GRIN1: variants seen among roughly 807,000 people sequenced by gnomAD.
The protein encoded by GRIN1 is glutamate receptor ionotropic, NMDA 1.
A neutral mutation model predicts 103.0 loss-of-function variants in GRIN1; 38 were observed. That is an observed-to-expected ratio of 0.37 (90% CI 0.28 to 0.48). GRIN1 has a LOEUF of 0.48. Among genes scored for constraint, GRIN1 ranks in the 20% least tolerant of loss-of-function variants. GRIN1 has a pLI of 0.98. For synonymous variants in GRIN1, 544 were observed against 532.7 expected, an observed-to-expected ratio of 1.02 and a Z score of -0.29; for missense variants, 577 against 1,288.9, an observed-to-expected ratio of 0.45 and a Z score of 8.46.
At chr9:137,141,867 G>C (rs1832182351) in intron 1 of GRIN1, 146 bp from the exon 2 acceptor site, 2 of 866,658 alleles carry the variant, frequency 2.3e-6, no homozygotes, top group East Asian at 2.4e-5. Context: ...GTGCATCTGG[G>C]CCTGGGCATG....
chr9:137,151,417 T>C (rs1382746975), intron 4 of GRIN1, among the ~76,000 whole-genome samples: 69 of 75,714 alleles, frequency 9.1e-4, no homozygotes, highest in Middle Eastern at 0.012. Flanking sequence ...CAGGGAAAAC[T>C]CCACCCAGAA....
intron 3 of GRIN1, chr9:137,148,017 G>A: frequency 1.6e-6 from 1 of 621,154 alleles, no homozygotes; most frequent in Non-Finnish European, 2.8e-6. Flanking sequence ...GGGCCTCGGT[G>A]TTTGCGAGCT....
intron 19 of GRIN1, among the ~76,000 whole-genome samples, chr9:137,166,417 A>G (rs1222150328): frequency 1.3e-5 from 2 of 152,218 alleles, no homozygotes; most frequent in African/African-American, 4.8e-5. Context: ...CCTGCAGTCC[A>G]GGGACCAGTC....
chr9:137,147,666 C>T lies in GRIN1; in HGVS notation c.571-1343C>T, dbSNP rs551860543. 7.2e-5 allele frequency among the ~76,000 whole-genome samples: 11 copies of T among 152,340 alleles called. No individual in the cohort carries two copies. The South Asian group carries it at 1.0e-3, about 14-fold the overall frequency. On this transcript the variant is annotated intron_variant, in intron 3 of 19. Coordinates refer to ENST00000371561, the MANE Select transcript of GRIN1 (RefSeq NM_007327.4). ...TTGGGCGCATATGCGAGCCGAAGGG[C>T]GTGGGCACCCCAGTTAGTGAGGATA...
rs1422589486 is a variant in GRIN1, at chr9:137,146,380, C to T, written c.570+478C>T. ...CCCTGTCCTCCCCCGCGTGGCCTCC[C>T]CTGAAGCTCTGCACCTCATGGCTCA... On this transcript the variant is annotated intron_variant, in intron 3 of 19. Coordinates refer to ENST00000371561, the MANE Select transcript of GRIN1 (RefSeq NM_007327.4). This position sits in a 1 kb window ranked among gnomAD's most constrained non-coding sequence, Gnocchi z 6.7. 5.9e-5 allele frequency among the ~76,000 whole-genome samples: 9 copies of T among 152,068 alleles called. No homozygotes were observed. The highest frequency in any genetic ancestry group is 1.0e-4 in the Non-Finnish European group (7 of 67,998).
chr9:137,158,774 G>A (rs1833373923), intron 8 of GRIN1, 70 bp downstream of exon 8: 3 of 1,174,086 alleles, frequency 2.6e-6, no homozygotes, highest in Non-Finnish European at 3.8e-6. Flanking sequence ...TGGCCTGAAG[G>A]AGGAGGGTGC....
chr9:137,154,857 C>T (rs917984853), intron 4 of GRIN1, among the ~76,000 whole-genome samples: 6 of 152,126 alleles, frequency 3.9e-5, no homozygotes, highest in Admixed American at 1.3e-4. Flanking sequence ...CAGCAGAGGC[C>T]GACTGGCCCA....
At chr9:137,149,571 TA>T (rs906358988) in intron 4 of GRIN1, among the ~76,000 whole-genome samples, 1 of 152,130 alleles carries the variant, frequency 6.6e-6, no homozygotes, top group Admixed American at 6.5e-5. Context: ...AGCAGTAGCT[TA>T]GGGGGAAATC....
At chr9:137,164,084 G>T (rs1301000793) in intron 18 of GRIN1, 180 bp downstream of exon 18, 1 of 760,414 alleles carries the variant, frequency 1.3e-6, no homozygotes, top group Admixed American at 2.2e-5. Context: ...GTGGGGGGCT[G>T]CCTGCAGGTG....
Position 137,168,058 on chromosome 9 carries a change from T to A in GRIN1, c.*531T>A. On this transcript the variant is annotated 3_prime_UTR_variant, in exon 20 of 20. Transcript: ENST00000371561. ...GAGGACGGGGCAGAGCTGAGTCGGC[T>A]GGGCAGGGCCGCAGGGCGCTCCGGC... 1.6e-6 allele frequency: 1 copy of A among 606,434 alleles called. No individual in the cohort carries two copies. Among genetic ancestry groups the A allele is most frequent in the East Asian group, 2.8e-5 (1 of 35,648 alleles). 37.6% of individuals were successfully genotyped at this position (606,434 alleles called of 1,614,324 possible). A position where few individuals can be genotyped will look rare whatever the true frequency, so the allele number is the denominator to read the frequency against.
intron 6 of GRIN1, among the ~76,000 whole-genome samples, chr9:137,157,584 C>G (rs1416996402): frequency 1.3e-5 from 2 of 152,194 alleles, no homozygotes; most frequent in African/African-American, 4.8e-5. Context: ...GGAGGCCAGA[C>G]AAGCAGCCCA....
intron 8 of GRIN1, 131 bp from the exon 9 acceptor site, chr9:137,160,925 C>T: frequency 8.4e-7 from 1 of 1,188,890 alleles, no homozygotes; most frequent in Non-Finnish European, 1.2e-6. Context: ...GCCGGCGGCG[C>T]AGGGCGGGGG....
chr9:137,149,164 ACCCG>A, intron 4 of GRIN1, 55 bp downstream of exon 4: 1 of 1,184,716 alleles, frequency 8.4e-7, no homozygotes, highest in Non-Finnish European at 1.2e-6. Flanking sequence ...TGAGCCAAGT[ACCCG>A]CCATCTGAGC....
intron 18 of GRIN1, 87 bp downstream of exon 18, chr9:137,163,991 T>A (rs761444016): frequency 6.8e-7 from 1 of 1,478,012 alleles, no homozygotes; most frequent in South Asian, 1.1e-5. Context: ...TGGCACTGGC[T>A]CTGGCTCTGG....
At chr9:137,165,361 G>A (rs1177729991) in intron 19 of GRIN1, 65 bp downstream of exon 19, 21 of 1,010,504 alleles carry the variant, frequency 2.1e-5, no homozygotes, top group Admixed American at 1.4e-4. Context: ...TGTGTCTCCC[G>A]CCCCATCACC....
Position 137,162,604 on chromosome 9 carries a change from C to T in GRIN1, c.1878C>T (p.Ser626=). 2 of 1,612,458 alleles carry T rather than the reference C, an allele frequency of 1.2e-6. No homozygotes were observed. The highest frequency in any genetic ancestry group is 1.1e-5 in the South Asian group (1 of 91,032). ...NSGIGEGAPR[S]FSARILGMVW... is the part of the protein sequence containing the mutation. ...GCCCGCCCACAGGCGCCCCCAGAAG[C>T]TTCTCAGCGCGCATCCTGGGCATGG... The change falls in exon 14 of 20, where the codon AGC becomes AGT. Residue 626 remains serine, a synonymous_variant. Transcript: ENST00000371561.
chr9:137,156,822 C>T (rs1206101667), intron 5 of GRIN1, 32 bp downstream of exon 5: 5 of 1,603,740 alleles, frequency 3.1e-6, no homozygotes, highest in Admixed American at 1.7e-5. Context: ...GGTCCCCGAA[C>T]GGGGAGGACC....
At position 137,167,087 on chromosome 9, in the gene GRIN1, C is replaced by T. The variant is rs546373865; in HGVS notation, c.2701-324C>T. ...CCGAGCCTCTCTGGGCACCAGGGAC[C>T]GTCCTCTGGGGCCAGTTCTGGCATC... On this transcript the variant is annotated intron_variant, in intron 19 of 19. Transcript: ENST00000371561. Among the ~76,000 whole-genome samples the T allele has an allele frequency of 1.8e-3, 271 of 152,274 alleles. 1 individual carries two copies. Among genetic ancestry groups the T allele is most frequent in the African/African-American group, 6.1e-3 (254 of 41,560 alleles).
In GRIN1 at chr9:137,139,606, G is replaced by C. The variant is rs764709864; in HGVS notation, c.120G>C (p.Gln40His). 1 of 1,613,762 alleles carries C rather than the reference G, an allele frequency of 6.2e-7. No homozygotes were observed. Among genetic ancestry groups the C allele is most frequent in the South Asian group, 1.1e-5 (1 of 91,088 alleles). ...GAVLSTRKHE[Q>H]MFREAVNQAN... ...TGCTGAGCACGCGGAAGCACGAGCA[G>C]ATGTTCCGCGAGGCCGTGAACCAGG... Residue 40 changes from glutamine to histidine, a missense_variant, in exon 1 of 20, where the codon CAG becomes CAC. By Grantham distance (24) the Gln-to-His change is conservative. Coordinates refer to ENST00000371561, the MANE Select transcript of GRIN1 (RefSeq NM_007327.4). The surrounding 1 kb of genome is among the most constrained non-coding windows in gnomAD (Gnocchi z 7.7).
Sources: gnomAD v4.1 joint callset for allele counts (sites outside exome capture counted in the v4.1 genomes callset) on GRCh38, gnomAD v4.1.1 for gene constraint, Gnocchi (gnomAD v3.1) non-coding constraint, MANE v1.5 for transcripts, NCBI Gene and HGNC (gene_info 2026-07-23, HGNC 2026-07-21) for gene names.